The following TSPAN18 variants were observed in gnomAD, a reference collection of about 807,000 sequenced individuals.
The protein encoded by TSPAN18 is tetraspanin-18.
Under a neutral mutation model 27.3 loss-of-function variants are expected in TSPAN18, and 14 were observed. That is an observed-to-expected ratio of 0.51 (90% CI 0.34 to 0.80). TSPAN18 has a LOEUF of 0.80. TSPAN18 is among the 30% of genes least tolerant of loss of function. TSPAN18 has a pLI of 0.01. For missense variants in TSPAN18, 268 were observed against 323.9 expected (o/e 0.83, Z 1.32); for synonymous variants, 143 against 136.5 (o/e 1.05, Z -0.33).
At chr11:44,862,406 GTC>G (rs1352452783) in intron 3 of TSPAN18, among the ~76,000 whole-genome samples, 2 of 152,202 alleles carry the variant, frequency 1.3e-5, no homozygotes, top group Non-Finnish European at 2.9e-5. Flanking sequence ...CCCTCCCCCA[GTC>G]TCTCTCGCTC....
rs1454085992 is a variant in TSPAN18, at chr11:44,931,636, T to C, written c.*2458T>C. On this transcript the variant is annotated 3_prime_UTR_variant, in exon 10 of 10. Coordinates refer to ENST00000520358, the MANE Select transcript of TSPAN18 (RefSeq NM_130783.5). ...GGAAGACAGGCAGTTTCTGCTCCTG[T>C]TGGCATTCGCTCAGGCTGGTAGCTA... The C allele has an allele frequency of 6.6e-6, 1 of 152,320 alleles. No homozygotes were observed. The highest frequency in any genetic ancestry group is 2.4e-5 in the African/African-American group (1 of 41,462). 9.4% of individuals were successfully genotyped at this position (152,320 alleles called of 1,614,324 possible).
chr11:44,839,279 G>A (rs1857322212), intron 2 of TSPAN18, among the ~76,000 whole-genome samples: 1 of 152,166 alleles, frequency 6.6e-6, no homozygotes, highest in Admixed American at 6.5e-5. Context: ...GGGCCCCCCG[G>A]CTCCCCAGTC....
At chr11:44,817,151 G>C (rs1856833025) in intron 2 of TSPAN18, among the ~76,000 whole-genome samples, 1 of 152,252 alleles carries the variant, frequency 6.6e-6, no homozygotes, top group African/African-American at 2.4e-5. Context: ...GCACACGGAA[G>C]AGGCAGCTGA....
At chr11:44,812,077 C>T (rs1463488384) in intron 2 of TSPAN18, among the ~76,000 whole-genome samples, 1 of 152,192 alleles carries the variant, frequency 6.6e-6, no homozygotes, top group Non-Finnish European at 1.5e-5. Context: ...TAATCAAACA[C>T]GCTTACCTCC....
chr11:44,805,496 A>G (rs191488515), intron 2 of TSPAN18, among the ~76,000 whole-genome samples: 4 of 152,266 alleles, frequency 2.6e-5, no homozygotes, highest in Admixed American at 2.6e-4. Flanking sequence ...TGTTCCTCTC[A>G]AGATGAGATT....
Position 44,930,914 on chromosome 11 carries a change from C to T in TSPAN18, c.*1736C>T. The T allele has an allele frequency of 1.9e-6, 1 of 525,202 alleles. No individual in the cohort carries two copies. The allele number at this position is 525,202 out of a possible 1,614,324, so 32.5% of individuals were successfully genotyped here. On this transcript the variant is annotated 3_prime_UTR_variant, in exon 10 of 10. Transcript: ENST00000520358. ...GCCACCGGCATCCTGTATCAGCTTC[C>T]AGCCTCCCCTCAGGCTTTCCAGTCA...
intron 3 of TSPAN18, among the ~76,000 whole-genome samples, chr11:44,887,286 T>C (rs961767533): frequency 1.6e-4 from 24 of 152,174 alleles, no homozygotes; most frequent in African/African-American, 4.8e-4. Flanking sequence ...GCCTACTTGA[T>C]AGGGACATTG....
At chr11:44,842,297 AT>A (rs1214644787) in intron 2 of TSPAN18, among the ~76,000 whole-genome samples, 1 of 152,206 alleles carries the variant, frequency 6.6e-6, no homozygotes, top group East Asian at 1.9e-4. Context: ...AGAAACACAC[AT>A]GGACCAAGTG....
At chr11:44,890,518 T>C (rs1858809703) in intron 3 of TSPAN18, among the ~76,000 whole-genome samples, 1 of 152,038 alleles carries the variant, frequency 6.6e-6, no homozygotes, top group African/African-American at 2.4e-5. Flanking sequence ...GGTCAGGAGA[T>C]CGAGACCATC....
intron 1 of TSPAN18, among the ~76,000 whole-genome samples, chr11:44,747,859 C>A (rs1855116371): frequency 6.6e-6 from 1 of 152,220 alleles, no homozygotes; most frequent in Non-Finnish European, 1.5e-5. Flanking sequence ...AAGGCTCACA[C>A]TGTTTCCACT....
At chr11:44,808,649 T>A (rs1856652238) in intron 2 of TSPAN18, among the ~76,000 whole-genome samples, 1 of 152,090 alleles carries the variant, frequency 6.6e-6, no homozygotes, top group Non-Finnish European at 1.5e-5. Flanking sequence ...CAGAAAGCAA[T>A]TTGAACATGA....
At chr11:44,829,662 C>T (rs375992919) in intron 2 of TSPAN18, among the ~76,000 whole-genome samples, 8 of 152,012 alleles carry the variant, frequency 5.3e-5, no homozygotes, top group Admixed American at 1.3e-4. Context: ...CGGTTTTTTG[C>T]GTGGATACAA....
Position 44,909,828 on chromosome 11 carries a change from G to A in TSPAN18, c.187G>A (p.Gly63Ser), listed in dbSNP as rs747575703. 1.1e-5 allele frequency: 17 copies of A among 1,614,056 alleles called. No individual in the cohort carries two copies. Among genetic ancestry groups the A allele is most frequent in the Non-Finnish European group, 1.4e-5 (16 of 1,180,020 alleles). The change falls in exon 5 of 10, where the codon GGC becomes AGC. Residue 63 changes from glycine to serine, a missense_variant. By Grantham distance (56) the Gly-to-Ser change is moderately conservative. Coordinates refer to ENST00000520358, the MANE Select transcript of TSPAN18 (RefSeq NM_130783.5). ...TGAYILLAMGGLLFLLGFLGC... is the reference protein window; with the variant it reads ...TGAYILLAMGSLLFLLGFLGC... Reference sequence around the variant, plus strand: ...CGCCTACATCCTCCTGGCCATGGGGGGCCTGCTCTTTCTGCTCGGCTTCCT... The same window carrying A: ...CGCCTACATCCTCCTGGCCATGGGGAGCCTGCTCTTTCTGCTCGGCTTCCT...
intron 2 of TSPAN18, among the ~76,000 whole-genome samples, chr11:44,777,544 G>T (rs1275563218): frequency 3.9e-5 from 6 of 152,216 alleles, no homozygotes; most frequent in Admixed American, 2.6e-4. Flanking sequence ...ATTATTTTAG[G>T]AGAGGAACAA....
At chr11:44,820,366 G>A (rs1257946817) in intron 2 of TSPAN18, among the ~76,000 whole-genome samples, 1 of 152,200 alleles carries the variant, frequency 6.6e-6, no homozygotes, top group Non-Finnish European at 1.5e-5. Context: ...GGACTGCTCT[G>A]GGCACAGGCG....
Position 44,758,885 on chromosome 11 carries a change from G to A in TSPAN18, c.-239-5541G>A, listed in dbSNP as rs1021313233. On this transcript the variant is annotated intron_variant, in intron 1 of 9. Transcript: ENST00000520358. ...TGCTTTACATTGATTTCATGCTGGG[G>A]GCTCCTCATCTCCTACCGTGTTTCC... Among the ~76,000 whole-genome samples the A allele has an allele frequency of 2.0e-5, 3 of 152,108 alleles. 1 individual carries two copies. Among genetic ancestry groups the A allele is most frequent in the African/African-American group, 7.2e-5 (3 of 41,410 alleles).
chr11:44,849,875 A>G (rs1213879351), intron 2 of TSPAN18, among the ~76,000 whole-genome samples: 1 of 152,122 alleles, frequency 6.6e-6, no homozygotes. Context: ...GACACATCAG[A>G]TGCCACAGCT....
chr11:44,779,822 T>C (rs1462761870), intron 2 of TSPAN18, among the ~76,000 whole-genome samples: 1 of 152,180 alleles, frequency 6.6e-6, no homozygotes, highest in Admixed American at 6.5e-5. Context: ...CCCACATCCT[T>C]GTGTCTGCCT....
At chr11:44,778,236 GCA>G (rs1488850441) in intron 2 of TSPAN18, among the ~76,000 whole-genome samples, 1 of 152,032 alleles carries the variant, frequency 6.6e-6, no homozygotes, top group East Asian at 1.9e-4. Flanking sequence ...GCCAGAAGGA[GCA>G]CACCTCTTGT....
Sources: allele counts gnomAD v4.1 joint callset (sites outside exome capture counted in the v4.1 genomes callset), GRCh38; gene constraint gnomAD v4.1.1; transcripts MANE v1.5; gene names NCBI Gene and HGNC (gene_info 2026-07-23, HGNC 2026-07-21).